BMP6: variants seen among roughly 807,000 people sequenced by gnomAD.
BMP6 encodes the protein VG-1-R.
Under a neutral mutation model 54.1 loss-of-function variants are expected in BMP6, and 17 were observed. That is an observed-to-expected ratio of 0.31 (90% CI 0.22 to 0.47). BMP6 has a LOEUF of 0.47. Ranked by LOEUF, BMP6 falls within the 20% of genes least tolerant of loss-of-function variation. BMP6 has a pLI of 1.00. For missense variants in BMP6, 720 were observed against 690.4 expected, an observed-to-expected ratio of 1.04 and a Z score of -0.48; for synonymous variants, 328 against 291.2, an observed-to-expected ratio of 1.13 and a Z score of -1.28.
intron 2 of BMP6, among the ~76,000 whole-genome samples, chr6:7,847,675 G>T (rs1759087049): frequency 6.6e-6 from 1 of 152,148 alleles, no homozygotes; most frequent in Non-Finnish European, 1.5e-5. Flanking sequence ...CAGCTGGGGT[G>T]GCAGAAGTTG....
intron 1 of BMP6, among the ~76,000 whole-genome samples, chr6:7,832,059 C>A (rs534388651): frequency 1.3e-5 from 2 of 152,078 alleles, no homozygotes; most frequent in African/African-American, 4.8e-5. Flanking sequence ...AACAGCTGAT[C>A]GTTTTGGTAT....
intron 1 of BMP6, among the ~76,000 whole-genome samples, chr6:7,756,635 T>G (rs1173682211): frequency 6.6e-6 from 1 of 152,190 alleles, no homozygotes; most frequent in Non-Finnish European, 1.5e-5. Context: ...GTGCTGGATT[T>G]TGTTATATTC....
chr6:7,733,067 AT>A (rs11430719), intron 1 of BMP6, among the ~76,000 whole-genome samples: 3 of 149,484 alleles, frequency 2.0e-5, no homozygotes, highest in African/African-American at 4.9e-5. Context: ...CCTGGCTAAT[AT>A]TTTTTTTTTG....
intron 4 of BMP6, among the ~76,000 whole-genome samples, chr6:7,862,818 G>A (rs1759357893): frequency 6.6e-6 from 1 of 151,824 alleles, no homozygotes; most frequent in East Asian, 1.9e-4. Context: ...GGAGCACCTA[G>A]ATTCTTTTTT....
At chr6:7,756,051 G>T (rs925375321) in intron 1 of BMP6, among the ~76,000 whole-genome samples, 1 of 151,890 alleles carries the variant, frequency 6.6e-6, no homozygotes, top group Non-Finnish European at 1.5e-5. Flanking sequence ...GTTTCTATCT[G>T]TGAGTTTATA....
chr6:7,881,689 T>G lies in BMP6; in HGVS notation c.*1346T>G, dbSNP rs1372916667. 6.6e-6 allele frequency: 1 copy of G among 152,162 alleles called. No homozygotes were observed. Among genetic ancestry groups the G allele is most frequent in the Non-Finnish European group, 1.5e-5 (1 of 68,034 alleles). 9.4% of individuals were successfully genotyped at this position (152,162 alleles called of 1,614,324 possible). A position where few individuals can be genotyped will look rare whatever the true frequency, so the allele number is the denominator to read the frequency against. ...GGGTTTTTTTAAAAAAAGAATTATC[T>G]GTGAACCATACGTGATTAATAAAGA... On this transcript the variant is annotated 3_prime_UTR_variant, in exon 7 of 7. Transcript: ENST00000283147.
intron 1 of BMP6, among the ~76,000 whole-genome samples, chr6:7,754,879 G>A (rs574925168): frequency 6.6e-6 from 1 of 151,984 alleles, no homozygotes; most frequent in Non-Finnish European, 1.5e-5. Context: ...CACCACGCCC[G>A]GCTAATTTTT....
chr6:7,859,494 C>T (rs531477189), intron 2 of BMP6, among the ~76,000 whole-genome samples: 3 of 152,048 alleles, frequency 2.0e-5, no homozygotes, highest in South Asian at 2.1e-4. Context: ...CCCGTGACAC[C>T]GATGTGTGCC....
At chr6:7,860,508 A>G (rs956372156) in intron 2 of BMP6, among the ~76,000 whole-genome samples, 1 of 152,214 alleles carries the variant, frequency 6.6e-6, no homozygotes, top group African/African-American at 2.4e-5. Flanking sequence ...GCAGGTGAGC[A>G]GAAGGAGACC....
At chr6:7,846,505 G>T (rs1446698349) in intron 2 of BMP6, among the ~76,000 whole-genome samples, 1 of 152,230 alleles carries the variant, frequency 6.6e-6, no homozygotes, top group South Asian at 2.1e-4. Flanking sequence ...ATTTAGGTCT[G>T]TAATGGGGAA....
At chr6:7,801,954 C>T (rs1276045150) in intron 1 of BMP6, among the ~76,000 whole-genome samples, 1 of 152,096 alleles carries the variant, frequency 6.6e-6, no homozygotes, top group African/African-American at 2.4e-5. Context: ...ATAGGCACTG[C>T]CCAGAAATTC....
chr6:7,800,122 G>GTC (rs1758248807), intron 1 of BMP6, among the ~76,000 whole-genome samples: 1 of 141,660 alleles, frequency 7.1e-6, no homozygotes, highest in Non-Finnish European at 1.5e-5. Flanking sequence ...GTGTGTGTGT[G>GTC]ATCTAAAAGA....
chr6:7,845,623 T>C (rs1318599962), intron 2 of BMP6, among the ~76,000 whole-genome samples: 1 of 152,368 alleles, frequency 6.6e-6, no homozygotes, highest in Admixed American at 6.5e-5. Flanking sequence ...TTCCCACTAT[T>C]GATTAGTCCT....
intron 1 of BMP6, among the ~76,000 whole-genome samples, chr6:7,805,367 T>G (rs1266604132): frequency 1.3e-5 from 2 of 152,238 alleles, no homozygotes; most frequent in African/African-American, 2.4e-5. Flanking sequence ...GATCTGTATC[T>G]ATTCAACACA....
At chr6:7,858,436 T>A (rs533241382) in intron 2 of BMP6, among the ~76,000 whole-genome samples, 49 of 152,250 alleles carry the variant, frequency 3.2e-4, no homozygotes, top group African/African-American at 1.1e-3. Flanking sequence ...CTTATTGTAT[T>A]TTCTGTATCC....
At chr6:7,838,093 C>T (rs960234085) in intron 1 of BMP6, among the ~76,000 whole-genome samples, 5 of 152,088 alleles carry the variant, frequency 3.3e-5, no homozygotes, top group African/African-American at 9.7e-5. Flanking sequence ...TCCACAGTTT[C>T]GGTTTCCACA....
intron 1 of BMP6, among the ~76,000 whole-genome samples, chr6:7,766,247 G>C (rs1042045385): frequency 1.3e-5 from 2 of 152,144 alleles, no homozygotes; most frequent in African/African-American, 4.8e-5. Flanking sequence ...GTTGAGGACT[G>C]TATCTTGTCT....
chr6:7,777,252 G>C (rs1473066793), intron 1 of BMP6, among the ~76,000 whole-genome samples: 1 of 152,214 alleles, frequency 6.6e-6, no homozygotes, highest in Non-Finnish European at 1.5e-5. Flanking sequence ...ATTAGCCCTA[G>C]TGGTGGCAGG....
At chr6:7,729,682 C>G (rs1277619913) in intron 1 of BMP6, among the ~76,000 whole-genome samples, 1 of 152,040 alleles carries the variant, frequency 6.6e-6, no homozygotes, top group Non-Finnish European at 1.5e-5. Flanking sequence ...ACAGGAGATC[C>G]CAATGTCTGA....
Sources: allele counts gnomAD v4.1 joint callset (sites outside exome capture counted in the v4.1 genomes callset), GRCh38; gene constraint gnomAD v4.1.1; transcripts MANE v1.5; gene names NCBI Gene and HGNC (gene_info 2026-07-23, HGNC 2026-07-21).